The following DAGLA variants were observed in gnomAD, a reference collection of about 807,000 sequenced individuals.
DAGLA encodes the protein diacylglycerol lipase alpha, also known as diacylglycerol lipase-alpha.
DAGLA carries 22 observed loss-of-function variants against 102.6 expected under a neutral mutation model. The observed-to-expected ratio is 0.21, with a 90% confidence interval of 0.15 to 0.31. DAGLA has a LOEUF of 0.31. Among genes scored for constraint, DAGLA ranks in the 10% least tolerant of loss-of-function variants. The pLI, the probability that DAGLA is intolerant of heterozygous loss-of-function variation, is 1.00. For synonymous variants in DAGLA, 578 were observed against 628.9 expected (o/e 0.92, Z 1.21); for missense variants, 927 against 1,446.6 (o/e 0.64, Z 5.83).
intron 10 of DAGLA, 34 bp downstream of exon 10, chr11:61,735,036 G>A (rs1157099815): frequency 1.2e-6 from 2 of 1,603,938 alleles, no homozygotes; most frequent in Non-Finnish European, 1.7e-6. Context: ...CTGGTGTCAG[G>A]AGCAGGCAGC....
Position 61,730,965 on chromosome 11 carries a change from G to A in DAGLA, c.850-352G>A, listed in dbSNP as rs566360458. Among the ~76,000 whole-genome samples the A allele has an allele frequency of 4.6e-5, 7 of 152,318 alleles. No individual in the cohort carries two copies. The East Asian group carries it at 7.7e-4, about 17-fold the overall frequency. On this transcript the variant is annotated intron_variant, in intron 8 of 19. Coordinates refer to ENST00000257215, the MANE Select transcript of DAGLA (RefSeq NM_006133.3). ...AGGGCCCTTCTCAGGGCTGATTGCC[G>A]AGGTGGGGGGATTACTACTCACATC...
At chr11:61,716,445 A>AC (rs2065236230) in intron 1 of DAGLA, among the ~76,000 whole-genome samples, 1 of 152,016 alleles carries the variant, frequency 6.6e-6, no homozygotes, top group South Asian at 2.1e-4. Flanking sequence ...CAAAGCATGG[A>AC]CCCTTCCAGT....
chr11:61,720,218 G>A lies in DAGLA; in HGVS notation c.63G>A (p.Pro21=), dbSNP rs198430. The A allele has an allele frequency of 0.26, 422,504 of 1,613,452 alleles. 56,857 individuals are homozygous for A. Among genetic ancestry groups the A allele is most frequent in the East Asian group, 0.4 (17,787 of 44,866 alleles). ...WSVGSDDLVL[P]AIFLFLLHTT... ...TGGGCAGTGATGACCTCGTCCTACC[G>A]GCCATCTTCCTCTTTCTCCTGCATA... Residue 21 remains proline, a synonymous_variant, in exon 2 of 20, where the codon CCG becomes CCA. Transcript: ENST00000257215.
chr11:61,741,078 G>A, intron 18 of DAGLA, 84 bp from the exon 19 acceptor site: 1 of 1,359,876 alleles, frequency 7.4e-7, no homozygotes, highest in Middle Eastern at 2.5e-4. Flanking sequence ...TGGCCTGAGA[G>A]GCCTGGGCCC....
intron 1 of DAGLA, among the ~76,000 whole-genome samples, chr11:61,685,029 G>T (rs1157829424): frequency 2.6e-5 from 4 of 152,120 alleles, no homozygotes; most frequent in Non-Finnish European, 5.9e-5. Context: ...ACCTGGGGGC[G>T]TCTCACACGC....
chr11:61,699,252 G>C (rs1365280847), intron 1 of DAGLA, among the ~76,000 whole-genome samples: 1 of 152,202 alleles, frequency 6.6e-6, no homozygotes, highest in Non-Finnish European at 1.5e-5. Flanking sequence ...TGGCCCTGCA[G>C]CCACAGGCCA....
intron 5 of DAGLA, 128 bp from the exon 6 acceptor site, chr11:61,725,867 C>A: frequency 5.8e-6 from 5 of 862,890 alleles, no homozygotes; most frequent in Non-Finnish European, 9.4e-6. Context: ...TGTTCTCCCC[C>A]AGAACCCACT....
intron 14 of DAGLA, 63 bp from the exon 15 acceptor site, chr11:61,737,624 C>G (rs1252170649): frequency 1.3e-6 from 2 of 1,489,302 alleles, no homozygotes; most frequent in African/African-American, 2.8e-5. Flanking sequence ...CTGGGCCCCC[C>G]GATTCCGGAA....
intron 19 of DAGLA, among the ~76,000 whole-genome samples, chr11:61,742,430 C>G (rs956869839): frequency 2.5e-4 from 38 of 152,272 alleles, no homozygotes; most frequent in Non-Finnish European, 3.8e-4. Flanking sequence ...GACAACTGGA[C>G]GTCTCTCCCT....
chr11:61,700,215 A>G (rs905697378), intron 1 of DAGLA, among the ~76,000 whole-genome samples: 25 of 151,706 alleles, frequency 1.6e-4, no homozygotes, highest in Admixed American at 1.3e-4. Context: ...GGGATGCATC[A>G]GTGAGACTTT....
At chr11:61,718,756 TAGCCCGCC>T (rs1353027840) in intron 1 of DAGLA, among the ~76,000 whole-genome samples, 14 of 152,136 alleles carry the variant, frequency 9.2e-5, no homozygotes, top group Non-Finnish European at 1.9e-4. Context: ...CCCGGCAGGC[TAGCCCGCC>T]AGCCCGCCAG....
rs2065422374 is a variant in DAGLA at position 61,736,264 on chromosome 11, A to C, written c.1291-6A>C. ...CCAACACCTGCTTCTGTTCCTGCCC[A>C]CCCAGGGTATGGTCCTCTCAGCTGA... On this transcript the variant is annotated splice_region_variant and splice_polypyrimidine_tract_variant and intron_variant, in intron 12 of 19. Transcript: ENST00000257215. 6.2e-7 allele frequency: 1 copy of C among 1,613,810 alleles called. No homozygotes were observed. The highest frequency in any genetic ancestry group is 1.3e-5 in the African/African-American group (1 of 75,018).
At chr11:61,729,909 C>CAAA (rs1390015549) in intron 8 of DAGLA, among the ~76,000 whole-genome samples, 2 of 122,886 alleles carry the variant, frequency 1.6e-5, no homozygotes, top group East Asian at 2.3e-4. Flanking sequence ...CCTGTCTCTA[C>CAAA]AAAAAAAAAA....
At chr11:61,703,493 G>A (rs144671310) in intron 1 of DAGLA, among the ~76,000 whole-genome samples, 2 of 152,230 alleles carry the variant, frequency 1.3e-5, no homozygotes, top group Admixed American at 1.3e-4. Flanking sequence ...GAGGACAAAG[G>A]CGTTCGGCAC....
Position 61,720,205 on chromosome 11 carries a change from ACCT to A in DAGLA, c.52_54del (p.Leu18del). 6.2e-7 allele frequency: 1 copy of A among 1,613,636 alleles called. No homozygotes were observed. The highest frequency in any genetic ancestry group is 8.5e-7 in the Non-Finnish European group (1 of 1,179,964). On this transcript the variant is annotated inframe_deletion, in exon 2 of 20. Transcript: ENST00000257215. Reference sequence around the variant, plus strand: ...CGGCGCTGGTCTGTGGGCAGTGATGACCTCGTCCTACCGGCCATCTTCCTCTTT... The same window carrying A: ...CGGCGCTGGTCTGTGGGCAGTGATGACGTCCTACCGGCCATCTTCCTCTTT...
intron 19 of DAGLA, 39 bp from the exon 20 acceptor site, chr11:61,743,493 T>C (rs199506247): frequency 4.9e-5 from 73 of 1,475,368 alleles, no homozygotes; most frequent in Admixed American, 4.0e-4. Flanking sequence ...CCCTCTCCCT[T>C]CTGAGTCTTA....
chr11:61,708,367 C>A (rs1591033921), intron 1 of DAGLA, among the ~76,000 whole-genome samples: 1 of 151,010 alleles, frequency 6.6e-6, no homozygotes, highest in East Asian at 2.0e-4. Flanking sequence ...CCAGAGCCTG[C>A]TTTCAACACT....
intron 19 of DAGLA, among the ~76,000 whole-genome samples, chr11:61,742,418 G>A (rs927931153): frequency 5.3e-5 from 8 of 152,206 alleles, no homozygotes; most frequent in Non-Finnish European, 1.0e-4. Flanking sequence ...GCCCTTGGTA[G>A]GGACAACTGG....
chr11:61,721,116 C>T (rs2065278550), intron 3 of DAGLA, among the ~76,000 whole-genome samples: 1 of 152,228 alleles, frequency 6.6e-6, no homozygotes, highest in Non-Finnish European at 1.5e-5. Flanking sequence ...AGGTTTTAGG[C>T]TGGGTGTGGT....
Sources: gnomAD v4.1 joint callset for allele counts (sites outside exome capture counted in the v4.1 genomes callset) on GRCh38, gnomAD v4.1.1 for gene constraint, MANE v1.5 for transcripts, NCBI Gene and HGNC (gene_info 2026-07-23, HGNC 2026-07-21) for gene names.